Variants in FARS2 observed in about 807,000 individuals in gnomAD.
The protein encoded by FARS2 is phenylalanyl-tRNA synthetase 2, mitochondrial.
Under a neutral mutation model 46.4 loss-of-function variants are expected in FARS2, and 40 were observed. That is an observed-to-expected ratio of 0.86 (90% CI 0.67 to 1.12). The LOEUF (loss-of-function observed/expected upper bound fraction) is 1.12. Ranked by LOEUF, FARS2 falls within the 50% of genes most tolerant of loss-of-function variation. The pLI is 0.00. For synonymous variants in FARS2, 234 were observed against 214.9 expected (o/e 1.09, Z -0.78); for missense variants, 513 against 567.9 (o/e 0.90, Z 0.98).
At chr6:5,266,793 TC>T (rs1765578051) in intron 1 of FARS2, among the ~76,000 whole-genome samples, 2 of 152,252 alleles carry the variant, frequency 1.3e-5, no homozygotes, top group Non-Finnish European at 2.9e-5. Flanking sequence ...TCTGGGAATC[TC>T]AAATGTTGAT....
At chr6:5,294,377 T>C (rs536978799) in intron 1 of FARS2, among the ~76,000 whole-genome samples, 2 of 152,280 alleles carry the variant, frequency 1.3e-5, no homozygotes, top group East Asian at 1.9e-4. Flanking sequence ...GTTTTTCCTC[T>C]ACTCTTCACA....
chr6:5,435,585 G>A (rs1299702200), intron 4 of FARS2, among the ~76,000 whole-genome samples: 1 of 152,144 alleles, frequency 6.6e-6, no homozygotes, highest in Non-Finnish European at 1.5e-5. Context: ...GGCTGACTTG[G>A]TTGTTTTTTC....
At chr6:5,499,939 T>C (rs1767691475) in intron 4 of FARS2, among the ~76,000 whole-genome samples, 1 of 152,226 alleles carries the variant, frequency 6.6e-6, no homozygotes. Context: ...GCCTTTTCAA[T>C]GCCTTCTTTC....
intron 4 of FARS2, among the ~76,000 whole-genome samples, chr6:5,453,306 T>C (rs576635114): frequency 1.3e-5 from 2 of 152,282 alleles, no homozygotes; most frequent in Admixed American, 6.5e-5. Flanking sequence ...CGAAGAAATA[T>C]ACATTTCTCT....
intron 4 of FARS2, among the ~76,000 whole-genome samples, chr6:5,527,558 G>A (rs1404790077): frequency 6.6e-6 from 1 of 152,130 alleles, no homozygotes; most frequent in Non-Finnish European, 1.5e-5. Flanking sequence ...CTCCTCTTAT[G>A]GATATGACTC....
intron 2 of FARS2, among the ~76,000 whole-genome samples, chr6:5,374,378 T>C (rs1266569078): frequency 1.3e-5 from 2 of 152,074 alleles, no homozygotes; most frequent in African/African-American, 4.8e-5. Flanking sequence ...CCTGCTTTCA[T>C]GGGGAAGACA....
At chr6:5,750,904 C>T (rs1001264117) in intron 6 of FARS2, among the ~76,000 whole-genome samples, 9 of 152,092 alleles carry the variant, frequency 5.9e-5, no homozygotes, top group Non-Finnish European at 1.3e-4. Context: ...CTAAGTCTTT[C>T]GTCACCATCA....
At chr6:5,317,248 A>G (rs1309606825) in intron 1 of FARS2, among the ~76,000 whole-genome samples, 1 of 152,174 alleles carries the variant, frequency 6.6e-6, no homozygotes, top group Admixed American at 6.5e-5. Context: ...CTTTCACATA[A>G]TAGGTTCTGT....
chr6:5,629,997 T>C (rs1277622466), intron 6 of FARS2, among the ~76,000 whole-genome samples: 1 of 152,092 alleles, frequency 6.6e-6, no homozygotes, highest in Non-Finnish European at 1.5e-5. Flanking sequence ...TTAGTGACTT[T>C]TGGACTTCCT....
intron 6 of FARS2, among the ~76,000 whole-genome samples, chr6:5,760,182 T>G (rs1304812584): frequency 6.6e-6 from 1 of 152,244 alleles, no homozygotes; most frequent in Non-Finnish European, 1.5e-5. Context: ...AGTCTTAAAG[T>G]AATTAACCTA....
chr6:5,573,742 G>C (rs1418142206), intron 5 of FARS2, among the ~76,000 whole-genome samples: 2 of 152,152 alleles, frequency 1.3e-5, no homozygotes, highest in East Asian at 3.9e-4. Flanking sequence ...ACACTTTCCA[G>C]GCATGGGAGT....
At chr6:5,359,889 G>T (rs2127623366) in intron 1 of FARS2, among the ~76,000 whole-genome samples, 1 of 152,310 alleles carries the variant, frequency 6.6e-6, no homozygotes, top group Non-Finnish European at 1.5e-5. Flanking sequence ...CTCGTCTTTT[G>T]TCACTTACTT....
At chr6:5,304,676 G>A (rs59785706) in intron 1 of FARS2, among the ~76,000 whole-genome samples, 6,614 of 152,108 alleles carry the variant, frequency 0.043, 497 homozygotes, top group African/African-American at 0.15. Context: ...ACTTGTTGGC[G>A]CGTTTGTGTA....
At chr6:5,298,569 A>G (rs1201969651) in intron 1 of FARS2, among the ~76,000 whole-genome samples, 1 of 152,210 alleles carries the variant, frequency 6.6e-6, no homozygotes, top group Non-Finnish European at 1.5e-5. Flanking sequence ...ACTGCAGTCC[A>G]CCTGGGGAGC....
At chr6:5,472,276 TG>T (rs887327228) in intron 4 of FARS2, among the ~76,000 whole-genome samples, 3 of 152,256 alleles carry the variant, frequency 2.0e-5, no homozygotes, top group African/African-American at 7.2e-5. Flanking sequence ...TGTTAATGAT[TG>T]AAAAATTACC....
intron 4 of FARS2, among the ~76,000 whole-genome samples, chr6:5,506,968 T>C (rs1768138989): frequency 1.3e-5 from 2 of 152,342 alleles, no homozygotes; most frequent in South Asian, 4.1e-4. Flanking sequence ...GTAAATGGCT[T>C]TGATTTTTCA....
intron 6 of FARS2, among the ~76,000 whole-genome samples, chr6:5,755,231 G>C (rs902760777): frequency 1.3e-5 from 2 of 151,858 alleles, no homozygotes; most frequent in Non-Finnish European, 2.9e-5. Context: ...TTAAGTTCTG[G>C]GGTACATGTG....
intron 6 of FARS2, among the ~76,000 whole-genome samples, chr6:5,707,259 C>T (rs906194642): frequency 2.0e-5 from 3 of 152,164 alleles, no homozygotes; most frequent in Admixed American, 6.5e-5. Flanking sequence ...AACGACTCCT[C>T]GTTACCAGTT....
Position 5,455,811 on chromosome 6 carries a change from C to T in FARS2, c.904+24639C>T, listed in dbSNP as rs181208151. Reference sequence around the variant, plus strand: ...TGTTTGCCCTAGAGGAATCCTTTGACATCTCTGAGCCTCAGTTTCTCATCT... The same window carrying T: ...TGTTTGCCCTAGAGGAATCCTTTGATATCTCTGAGCCTCAGTTTCTCATCT... On this transcript the variant is annotated intron_variant, in intron 4 of 6. Transcript: ENST00000274680. Among the ~76,000 whole-genome samples, 3 of 152,314 alleles carry T rather than the reference C, an allele frequency of 2.0e-5. No homozygotes were observed. In the East Asian group the frequency reaches 5.8e-4, roughly 29 times the overall value.
Sources: gnomAD v4.1 joint callset for allele counts (sites outside exome capture counted in the v4.1 genomes callset) on GRCh38, gnomAD v4.1.1 for gene constraint, MANE v1.5 for transcripts, NCBI Gene and HGNC (gene_info 2026-07-23, HGNC 2026-07-21) for gene names.